The following IL6R variants were observed in gnomAD, a reference collection of about 807,000 sequenced individuals.
The protein encoded by IL6R is interleukin-6 receptor subunit alpha.
IL6R carries 38 observed loss-of-function variants against 48.3 expected under a neutral mutation model. The observed-to-expected ratio is 0.79, with a 90% confidence interval of 0.61 to 1.03. The LOEUF (loss-of-function observed/expected upper bound fraction) is 1.03. IL6R is among the 50% of genes least tolerant of loss of function. The pLI is 0.00. For synonymous variants in IL6R, 264 were observed against 256.2 expected, an observed-to-expected ratio of 1.03 and a Z score of -0.29; for missense variants, 534 against 618.3, an observed-to-expected ratio of 0.86 and a Z score of 1.45.
intron 1 of IL6R, chr1:154,415,092 T>C (rs1293885950): frequency 6.2e-6 from 8 of 1,281,764 alleles, no homozygotes; most frequent in Admixed American, 2.0e-5. Context: ...CTTGCTAAGA[T>C]TGGGGCTTTT....
intron 9 of IL6R, among the ~76,000 whole-genome samples, chr1:154,462,436 C>T (rs896611868): frequency 2.0e-5 from 3 of 148,706 alleles, no homozygotes; most frequent in African/African-American, 7.5e-5. Flanking sequence ...TGCAATGGTG[C>T]GATCTCAGCT....
intron 6 of IL6R, among the ~76,000 whole-genome samples, chr1:154,445,493 G>GT (rs1164436167): frequency 6.6e-6 from 1 of 152,194 alleles, no homozygotes; most frequent in African/African-American, 2.4e-5. Flanking sequence ...GCTCACACCT[G>GT]TAATCTCAGT....
intron 9 of IL6R, among the ~76,000 whole-genome samples, chr1:154,462,268 A>G (rs1229738519): frequency 6.6e-6 from 1 of 152,100 alleles, no homozygotes; most frequent in Non-Finnish European, 1.5e-5. Flanking sequence ...TTGTTTTTAC[A>G]CAGCCATGAT....
chr1:154,432,357 C>CT (rs1171656160), intron 3 of IL6R, among the ~76,000 whole-genome samples: 9,305 of 139,352 alleles, frequency 0.067, 354 homozygotes, highest in African/African-American at 0.09. Context: ...AACTGAAATA[C>CT]TTTTTTTTTT....
At chr1:154,443,718 C>T (rs1405909688) in intron 6 of IL6R, among the ~76,000 whole-genome samples, 1 of 152,220 alleles carries the variant, frequency 6.6e-6, no homozygotes, top group African/African-American at 2.4e-5. Flanking sequence ...GCAATTAGCA[C>T]AGAGCCTGGC....
intron 9 of IL6R, among the ~76,000 whole-genome samples, chr1:154,455,455 C>CTT (rs201098458): frequency 4.9e-4 from 63 of 128,424 alleles, no homozygotes; most frequent in African/African-American, 1.2e-3. Flanking sequence ...CTTTTCTTTT[C>CTT]TTTTTTTTTT....
At chr1:154,459,517 C>T (rs920142825) in intron 9 of IL6R, among the ~76,000 whole-genome samples, 1 of 152,162 alleles carries the variant, frequency 6.6e-6, no homozygotes, top group Non-Finnish European at 1.5e-5. Context: ...CATGGGATGG[C>T]CACATTTACA....
intron 6 of IL6R, among the ~76,000 whole-genome samples, chr1:154,447,162 G>A (rs1408547711): frequency 6.6e-6 from 1 of 151,478 alleles, no homozygotes; most frequent in South Asian, 2.1e-4. Context: ...TAATTGGCCA[G>A]GCACGGTAGC....
At chr1:154,413,731 T>G (rs1688170659) in intron 1 of IL6R, among the ~76,000 whole-genome samples, 1 of 152,232 alleles carries the variant, frequency 6.6e-6, no homozygotes, top group East Asian at 1.9e-4. Context: ...ATCTTATTGT[T>G]TACAGGAGCT....
intron 1 of IL6R, among the ~76,000 whole-genome samples, chr1:154,412,594 A>G (rs1275348126): frequency 1.3e-5 from 2 of 152,184 alleles, no homozygotes; most frequent in Non-Finnish European, 1.5e-5. Flanking sequence ...GGGGGATGCT[A>G]TAATGTGAGG....
intron 6 of IL6R, among the ~76,000 whole-genome samples, chr1:154,444,197 A>AT (rs1173632925): frequency 1.1e-4 from 17 of 151,764 alleles, no homozygotes; most frequent in Middle Eastern, 3.4e-3. Context: ...GGGACCAATT[A>AT]AAGTTGCTAG....
chr1:154,449,542 C>G (rs1690468454), intron 7 of IL6R, among the ~76,000 whole-genome samples: 1 of 152,110 alleles, frequency 6.6e-6, no homozygotes, highest in African/African-American at 2.4e-5. Context: ...AAAAAGAAGT[C>G]TGTCCAAGGT....
chr1:154,463,838 A>G (rs1199456158), intron 9 of IL6R, among the ~76,000 whole-genome samples: 1 of 152,228 alleles, frequency 6.6e-6, no homozygotes, highest in African/African-American at 2.4e-5. Context: ...GTGATCAGAA[A>G]GATGTCTATC....
intron 1 of IL6R, among the ~76,000 whole-genome samples, chr1:154,425,982 G>T (rs752849237): frequency 2.0e-5 from 3 of 149,818 alleles, no homozygotes; most frequent in Non-Finnish European, 3.0e-5. Context: ...GGCTAAGGTG[G>T]GAGGATCGCT....
intron 8 of IL6R, chr1:154,454,246 G>T: frequency 1.9e-6 from 1 of 538,524 alleles, no homozygotes; most frequent in Non-Finnish European, 3.3e-6. Context: ...CCAAGTGGTG[G>T]AATCCTGGAA....
chr1:154,434,834 C>T (rs573352516), intron 4 of IL6R, 134 bp downstream of exon 4: 31 of 1,189,706 alleles, frequency 2.6e-5, no homozygotes, highest in African/African-American at 2.1e-4. Context: ...CGTTGCTTGC[C>T]GGGAGGTGTG....
In IL6R at chr1:154,467,129, A is replaced by T. The variant is rs915466968; in HGVS notation, c.*1749A>T. 4.6e-5 allele frequency: 7 copies of T among 152,148 alleles called. No individual in the cohort carries two copies. The highest frequency in any genetic ancestry group is 7.4e-5 in the Non-Finnish European group (5 of 68,022). 9.4% of individuals were successfully genotyped at this position (152,148 alleles called of 1,614,324 possible). On this transcript the variant is annotated 3_prime_UTR_variant, in exon 10 of 10. Coordinates refer to ENST00000368485, the MANE Select transcript of IL6R (RefSeq NM_000565.4). Reference sequence around the variant, plus strand: ...AGCTTTCTGCTATCAAAGAGGTTTTAAAAAAATCCCATTTAAAAAAAATCC... The same window carrying T: ...AGCTTTCTGCTATCAAAGAGGTTTTTAAAAAATCCCATTTAAAAAAAATCC...
chr1:154,420,214 A>G (rs1054724643), intron 1 of IL6R, among the ~76,000 whole-genome samples: 5 of 152,056 alleles, frequency 3.3e-5, no homozygotes, highest in Non-Finnish European at 5.9e-5. Context: ...ATAAATCCAT[A>G]GATTCATTAT....
chr1:154,458,359 G>A (rs1191785713), intron 9 of IL6R, among the ~76,000 whole-genome samples: 3 of 152,172 alleles, frequency 2.0e-5, no homozygotes, highest in Non-Finnish European at 4.4e-5. Flanking sequence ...TAGCTCCTTG[G>A]AGGATGCAAA....
Sources: gnomAD v4.1 joint callset for allele counts (sites outside exome capture counted in the v4.1 genomes callset) on GRCh38, gnomAD v4.1.1 for gene constraint, MANE v1.5 for transcripts, NCBI Gene and HGNC (gene_info 2026-07-23, HGNC 2026-07-21) for gene names.